The following BICRA variants were observed in gnomAD, a reference collection of about 807,000 sequenced individuals.
The protein encoded by BICRA is BRD4-interacting chromatin-remodeling complex-associated protein.
In BICRA, 31 loss-of-function variants were observed where a neutral mutation model predicts 96.9. The ratio of observed to expected loss-of-function variants is 0.32; its 90% confidence interval spans 0.24 to 0.43. The LOEUF (loss-of-function observed/expected upper bound fraction) is 0.43, where lower values mean the gene tolerates loss of function less well. Among genes scored for constraint, BICRA ranks in the 20% least tolerant of loss-of-function variants. BICRA has a pLI of 1.00. For synonymous variants in BICRA, 1,350 were observed against 1,071.8 expected (o/e 1.26, Z -5.07); for missense variants, 2,283 against 2,190.3 (o/e 1.04, Z -0.84).
chr19:47,682,149 C>T lies in BICRA; in HGVS notation c.2280C>T (p.Pro760=), dbSNP rs1336909553. 1.4e-6 allele frequency: 2 copies of T among 1,432,598 alleles called. No homozygotes were observed. Among genetic ancestry groups the T allele is most frequent in the Admixed American group, 2.0e-5 (1 of 50,316 alleles). The allele number at this position is 1,432,598 out of a possible 1,614,324, so 88.7% of individuals were successfully genotyped here. A position where few individuals can be genotyped will look rare whatever the true frequency, so the allele number is the denominator to read the frequency against. Residue 760 remains proline (P), a synonymous_variant, in exon 7 of 15, where the codon CCC becomes CCT. Coordinates refer to ENST00000594866, the MANE Select transcript of BICRA (RefSeq NM_001394372.1). ...GCCAGGCTTCCCCGGCTCCGGCCCCCCAGGTAGAGGGACCCCAGCAGCCTG... is the reference window on the plus strand; with the variant it reads ...GCCAGGCTTCCCCGGCTCCGGCCCCTCAGGTAGAGGGACCCCAGCAGCCTG... ...PDSQASPAPA[P]QIPAAAPLKG...
In BICRA at chr19:47,694,314, C is replaced by G; in HGVS notation, c.2483C>G (p.Pro828Arg). Residue 828 changes from proline to arginine, a missense_variant, in exon 8 of 15, where the codon CCC becomes CGC. Transcript: ENST00000594866. The part of the protein sequence containing the change: ...PLHPCPPPQA[P>R]PTLPGIFVIQ... The stretch of plus-strand genomic sequence containing the variant: ...CACCCTTGCCCCCCACCCCAGGCCC[C>G]CCCAACTCTGCCTGGCATCTTTGTC... 5.3e-6 allele frequency: 6 copies of G among 1,137,960 alleles called. No individual in the cohort carries two copies. The East Asian group carries it at 1.6e-4, about 30-fold the overall frequency. 70.5% of individuals were successfully genotyped at this position (1,137,960 alleles called of 1,614,324 possible).
intron 1 of BICRA, among the ~76,000 whole-genome samples, chr19:47,619,986 T>C (rs1343146380): frequency 2.0e-5 from 3 of 152,196 alleles, no homozygotes; most frequent in Non-Finnish European, 4.4e-5. Flanking sequence ...AGTCACTGGC[T>C]TGCCTTGTCA....
Position 47,680,051 on chromosome 19 carries a change from C to A in BICRA, c.881C>A (p.Ser294Ter). 1.3e-6 allele frequency: 2 copies of A among 1,556,930 alleles called. No individual in the cohort carries two copies. Among genetic ancestry groups the A allele is most frequent in the Non-Finnish European group, 8.6e-7 (1 of 1,162,324 alleles). ...GAGLVIQKNLSAAVATTLNGN... is the reference protein window; with the variant it reads ...GAGLVIQKNL ...GGCCTGGTCATCCAGAAGAACCTCT[C>A]GGCCGCTGTGGCCACCACGCTCAAT... Residue 294 changes from serine to a stop codon, truncating the protein, a stop_gained, in exon 6 of 15, where the codon TCG (serine) becomes TAG (stop). Coordinates refer to ENST00000594866, the MANE Select transcript of BICRA (RefSeq NM_001394372.1). LOFTEE classifies it high-confidence loss of function.
At chr19:47,617,077 C>T (rs1261087701) in intron 1 of BICRA, among the ~76,000 whole-genome samples, 1 of 49,212 alleles carries the variant, frequency 2.0e-5, no homozygotes, top group African/African-American at 7.7e-5. Context: ...ATCCACCCGC[C>T]TCAGCTTCCC....
chr19:47,686,227 G>T (rs941786251), intron 7 of BICRA, among the ~76,000 whole-genome samples: 1 of 151,258 alleles, frequency 6.6e-6, no homozygotes, highest in Non-Finnish European at 1.5e-5. Flanking sequence ...CACCATGCCC[G>T]GCACAAGAAT....
chr19:47,659,744 CTTCTCTCTT>C (rs1373369615), intron 1 of BICRA, among the ~76,000 whole-genome samples: 1 of 149,106 alleles, frequency 6.7e-6, no homozygotes, highest in African/African-American at 2.5e-5. Context: ...GTTCTCTTCT[CTTCTCTCTT>C]TCTTTTTCTT....
rs1428412019 is a variant in BICRA, at chr19:47,679,773, G to A, written c.603G>A (p.Val201=). ...GTGTGCAGCCCTTCCTGCAGCCTGT[G>A]GGCCTGGGCAATGTGACACTGCAGC... ...ALSVQPFLQP[V]GLGNVTLQPI... The change falls in exon 6 of 15, where the codon GTG becomes GTA. Residue 201 remains valine, a synonymous_variant. Transcript: ENST00000594866. 3 of 1,507,998 alleles carry A rather than the reference G, an allele frequency of 2.0e-6. No individual in the cohort carries two copies. Among genetic ancestry groups the A allele is most frequent in the Non-Finnish European group, 2.7e-6 (3 of 1,129,714 alleles). 93.4% of individuals were successfully genotyped at this position (1,507,998 alleles called of 1,614,324 possible). A position where few individuals can be genotyped will look rare whatever the true frequency, so the allele number is the denominator to read the frequency against.
chr19:47,613,458 A>G (rs1971939517), intron 1 of BICRA, among the ~76,000 whole-genome samples: 1 of 152,070 alleles, frequency 6.6e-6, no homozygotes, highest in Non-Finnish European at 1.5e-5. Flanking sequence ...TGCAGGGGAG[A>G]GGGGTGGGGA....
chr19:47,648,781 T>C (rs1972501210), intron 1 of BICRA, among the ~76,000 whole-genome samples: 1 of 150,894 alleles, frequency 6.6e-6, no homozygotes, highest in Non-Finnish European at 1.5e-5. Context: ...TGAGTTCAAG[T>C]GAGCCCTGGG....
intron 7 of BICRA, among the ~76,000 whole-genome samples, chr19:47,685,715 C>T (rs925182916): frequency 2.7e-5 from 4 of 150,572 alleles, no homozygotes; most frequent in Admixed American, 2.0e-4. Context: ...TCTGTGCTCT[C>T]TGTACCCAGA....
At chr19:47,627,197 A>G (rs1381024705) in intron 1 of BICRA, among the ~76,000 whole-genome samples, 1 of 152,032 alleles carries the variant, frequency 6.6e-6, no homozygotes, top group African/African-American at 2.4e-5. Context: ...CTTCTTTAAC[A>G]TAATCATGGC....
intron 1 of BICRA, among the ~76,000 whole-genome samples, chr19:47,634,624 A>G (rs1023454012): frequency 1.3e-5 from 2 of 151,952 alleles, no homozygotes; most frequent in African/African-American, 4.8e-5. Context: ...ATAAAAACCA[A>G]AACAAACAAA....
chr19:47,646,881 C>T (rs1421212967), intron 1 of BICRA, among the ~76,000 whole-genome samples: 2 of 152,148 alleles, frequency 1.3e-5, no homozygotes, highest in Admixed American at 6.6e-5. Context: ...TAACCATCAC[C>T]ATAATCTATT....
chr19:47,613,964 C>G (rs547140465), intron 1 of BICRA, among the ~76,000 whole-genome samples: 1 of 151,588 alleles, frequency 6.6e-6, no homozygotes, highest in African/African-American at 2.4e-5. Flanking sequence ...CAGAGAAGGC[C>G]TTTGTTTCTT....
At chr19:47,612,106 G>A (rs115546091) in intron 1 of BICRA, among the ~76,000 whole-genome samples, 173 of 152,234 alleles carry the variant, frequency 1.1e-3, no homozygotes, top group African/African-American at 4.1e-3. Context: ...CCTGACCTCA[G>A]GTAATCTGAC....
intron 1 of BICRA, among the ~76,000 whole-genome samples, chr19:47,655,645 G>C (rs1008893087): frequency 6.6e-6 from 1 of 151,418 alleles, no homozygotes; most frequent in Non-Finnish European, 1.5e-5. Context: ...CTGAGGTCAG[G>C]AGTTCGAGAC....
chr19:47,612,470 C>T (rs1971922908), intron 1 of BICRA, among the ~76,000 whole-genome samples: 1 of 152,000 alleles, frequency 6.6e-6, no homozygotes, highest in African/African-American at 2.4e-5. Flanking sequence ...AATACCTTTG[C>T]CCCAGAAGAA....
intron 1 of BICRA, chr19:47,663,169 A>G (rs191793082): frequency 6.6e-6 from 1 of 152,292 alleles, no homozygotes; most frequent in Non-Finnish European, 1.5e-5. Flanking sequence ...CGGGTGGATC[A>G]CTAGAGGTCA....
chr19:47,627,914 C>T (rs559086929), intron 1 of BICRA, among the ~76,000 whole-genome samples: 5 of 152,128 alleles, frequency 3.3e-5, no homozygotes, highest in Admixed American at 2.0e-4. Flanking sequence ...GGATTACAGG[C>T]GCATGCCACT....
Sources: allele counts gnomAD v4.1 joint callset (sites outside exome capture counted in the v4.1 genomes callset), GRCh38; gene constraint gnomAD v4.1.1; transcripts MANE v1.5; gene names NCBI Gene and HGNC (gene_info 2026-07-23, HGNC 2026-07-21).